The following MAPT variants were observed in gnomAD, a reference collection of about 807,000 sequenced individuals.
MAPT encodes microtubule associated protein tau.
Under a neutral mutation model 67.9 loss-of-function variants are expected in MAPT, and 34 were observed. The ratio of observed to expected loss-of-function variants is 0.50; its 90% CI spans 0.38 to 0.67. The LOEUF (loss-of-function observed/expected upper bound fraction) is 0.67, where lower values mean the gene tolerates loss of function less well. MAPT is among the 30% of genes least tolerant of loss of function. MAPT has a pLI of 0.00. For missense variants in MAPT, 881 were observed against 1,115.2 expected (o/e 0.79, Z 2.99); for synonymous variants, 456 against 464.5 (o/e 0.98, Z 0.23).
chr17:45,965,258 C>T (rs1318783145), intron 2 of MAPT, among the ~76,000 whole-genome samples: 2 of 151,936 alleles, frequency 1.3e-5, no homozygotes, highest in South Asian at 2.1e-4. Context: ...GGTGAAACCT[C>T]GTCTCTACTA....
chr17:45,895,869 G>A (rs1474128231), intron 1 of MAPT: 1 of 152,242 alleles, frequency 6.6e-6, no homozygotes, highest in Non-Finnish European at 1.5e-5. Flanking sequence ...GGCGGGGCCT[G>A]GCATTAAAGG....
At chr17:45,939,714 G>A (rs558494945) in intron 1 of MAPT, among the ~76,000 whole-genome samples, 6 of 152,274 alleles carry the variant, frequency 3.9e-5, no homozygotes, top group African/African-American at 1.4e-4. Context: ...ATAATCATGT[G>A]TGTGATGTGA....
chr17:45,996,387 C>T lies in MAPT; in HGVS notation c.1733-12C>T, dbSNP rs373115116. On this transcript the variant is annotated splice_polypyrimidine_tract_variant and intron_variant, in intron 8 of 12. Transcript: ENST00000262410. This position sits in a 1 kb window ranked among gnomAD's most constrained non-coding sequence, Gnocchi z 4.5. Reference sequence around the variant, plus strand: ...CTCGAGTCCTGGCTTCACTCCCTTCCTTCCTTCCCAGGTGAACCTCCAAAA... The same window carrying T: ...CTCGAGTCCTGGCTTCACTCCCTTCTTTCCTTCCCAGGTGAACCTCCAAAA... The T allele has an allele frequency of 4.2e-5, 68 of 1,610,516 alleles. 1 individual carries two copies. The East Asian group carries it at 6.0e-4, about 14-fold the overall frequency.
Position 45,983,755 on chromosome 17 carries a change from C to T in MAPT, c.1176C>T (p.His392=), listed in dbSNP as rs761461010. 4 of 1,614,152 alleles carry T rather than the reference C, an allele frequency of 2.5e-6. No individual in the cohort carries two copies. Among genetic ancestry groups the T allele is most frequent in the Non-Finnish European group, 3.4e-6 (4 of 1,180,018 alleles). The change falls in exon 5 of 13, where the codon CAC becomes CAT. Residue 392 remains histidine, a synonymous_variant. Transcript: ENST00000262410. ...CCAACGTGCAGAAGGAGCAGGCGCA[C>T]TCGGAGGAGCATTTGGGAAGGGCTG... ...ITPNVQKEQA[H]SEEHLGRAAF...
intron 2 of MAPT, among the ~76,000 whole-genome samples, chr17:45,964,360 C>T (rs373154911): frequency 9.1e-6 from 1 of 110,372 alleles, no homozygotes; most frequent in African/African-American, 3.5e-5. Context: ...CTCCCCCCTC[C>T]CCCCACCCCC....
At chr17:45,987,319 G>A (rs147160586) in intron 6 of MAPT, among the ~76,000 whole-genome samples, 77 of 152,318 alleles carry the variant, frequency 5.1e-4, no homozygotes, top group African/African-American at 1.8e-3. Context: ...ATGAAGTCAT[G>A]CTCCTAATTC....
At chr17:45,988,306 G>A (rs1421009705) in intron 6 of MAPT, among the ~76,000 whole-genome samples, 1 of 152,248 alleles carries the variant, frequency 6.6e-6, no homozygotes, top group African/African-American at 2.4e-5. Context: ...GTCTGGGACA[G>A]GACCCTTCTC....
intron 1 of MAPT, chr17:45,931,696 A>G (rs1288841256): frequency 1.3e-5 from 2 of 152,244 alleles, no homozygotes; most frequent in Non-Finnish European, 1.5e-5. Context: ...AAACTCAGCA[A>G]AATATATCAT....
In MAPT at chr17:46,024,120, C is replaced by T. The variant is rs200637464; in HGVS notation, c.2451C>T (p.Leu817=). The T allele has an allele frequency of 4.7e-5, 76 of 1,614,158 alleles. No homozygotes were observed. The highest frequency in any genetic ancestry group is 1.3e-4 in the Admixed American group (8 of 60,026). Residue 817 remains leucine (L), a synonymous_variant, in exon 13 of 13, where the codon CTC becomes CTT. Coordinates refer to ENST00000262410, the MANE Select transcript of MAPT (RefSeq NM_001377265.1). ...GSIDMVDSPQ[L]ATLADEVSAS... ...TCGACATGGTAGACTCGCCCCAGCT[C>T]GCCACGCTAGCTGACGAGGTGTCTG...
intron 11 of MAPT, among the ~76,000 whole-genome samples, chr17:46,015,670 A>C (rs1466261136): frequency 1.3e-5 from 2 of 152,142 alleles, no homozygotes; most frequent in Non-Finnish European, 2.9e-5. Flanking sequence ...AAACAAAAAC[A>C]AAAACAAAAA....
rs747742111 is a variant in MAPT, at chr17:46,010,259, C to T, written c.1999-51C>T. Reference sequence around the variant, plus strand: ...AAGTGGAGGCGTCCTTGCGAGCAAGCAGGCGGGTCCAGGGTGGCGTGTCAC... The same window carrying T: ...AAGTGGAGGCGTCCTTGCGAGCAAGTAGGCGGGTCCAGGGTGGCGTGTCAC... On this transcript the variant is annotated intron_variant, in intron 9 of 12. Coordinates refer to ENST00000262410, the MANE Select transcript of MAPT (RefSeq NM_001377265.1). This position sits in a 1 kb window ranked among gnomAD's most constrained non-coding sequence, Gnocchi z 4.7. 1 of 1,266,572 alleles carries T rather than the reference C, an allele frequency of 7.9e-7. No individual in the cohort carries two copies. Among genetic ancestry groups the T allele is most frequent in the African/African-American group, 1.5e-5 (1 of 67,636 alleles). 78.5% of individuals were successfully genotyped at this position (1,266,572 alleles called of 1,614,324 possible). A position where few individuals can be genotyped will look rare whatever the true frequency, so the allele number is the denominator to read the frequency against.
At position 45,951,798 on chromosome 17, in the gene MAPT, C is replaced by T. The variant is rs144912990; in HGVS notation, c.-17-10523C>T. Among the ~76,000 whole-genome samples the T allele has an allele frequency of 3.6e-3, 552 of 152,242 alleles. 8 individuals carry two copies. Among genetic ancestry groups the T allele is most frequent in the East Asian group, 0.029 (149 of 5,178 alleles). ...ATGTCCCATTTTAGTGTCCAGGTTTCACTCAACTTTAGTGCCTCCCCTAAA... is the reference window on the plus strand; with the variant it reads ...ATGTCCCATTTTAGTGTCCAGGTTTTACTCAACTTTAGTGCCTCCCCTAAA... On this transcript the variant is annotated intron_variant, in intron 1 of 12. Coordinates refer to ENST00000262410, the MANE Select transcript of MAPT (RefSeq NM_001377265.1).
chr17:45,941,681 T>TTCCCC (rs1568207436), intron 1 of MAPT, among the ~76,000 whole-genome samples: 3 of 42,102 alleles, frequency 7.1e-5, no homozygotes, highest in Admixed American at 6.3e-4. Flanking sequence ...CCCCCTTCCC[T>TTCCCC]CCTTCCTTCC....
In MAPT at chr17:45,921,242, G is replaced by A. The variant is rs181808467; in HGVS notation, c.-18+26556G>A. Among the ~76,000 whole-genome samples the A allele has an allele frequency of 1.1e-3, 162 of 152,272 alleles. 2 individuals carry two copies. The Middle Eastern group carries it at 0.014, about 13-fold the overall frequency. ...ATGAAAGCCTGGTGCAGGGCAGACC[G>A]TGGGAAGCTTTCATTTCCGGAATGG... On this transcript the variant is annotated intron_variant, in intron 1 of 12. Transcript: ENST00000262410.
intron 12 of MAPT, among the ~76,000 whole-genome samples, chr17:46,021,139 G>A (rs1449099856): frequency 1.3e-5 from 2 of 152,240 alleles, no homozygotes; most frequent in African/African-American, 4.8e-5. Flanking sequence ...ATACAGCCTT[G>A]CTGCAGATGC....
intron 1 of MAPT, among the ~76,000 whole-genome samples, chr17:45,961,584 G>A (rs533324782): frequency 1.3e-4 from 20 of 152,248 alleles, no homozygotes; most frequent in African/African-American, 3.1e-4. Flanking sequence ...TCACTTCTCC[G>A]TGCCTCACTT....
At chr17:45,920,502 G>T (rs1173531042) in intron 1 of MAPT, among the ~76,000 whole-genome samples, 1 of 152,110 alleles carries the variant, frequency 6.6e-6, no homozygotes, top group Non-Finnish European at 1.5e-5. Flanking sequence ...TGACCCTCCG[G>T]CCCCAGCATT....
intron 9 of MAPT, among the ~76,000 whole-genome samples, chr17:46,003,250 T>C (rs1200318839): frequency 6.6e-6 from 1 of 151,990 alleles, no homozygotes; most frequent in African/African-American, 2.4e-5. Flanking sequence ...CCACTGACCA[T>C]TATAGAGAAC....
At position 45,989,836 on chromosome 17, in the gene MAPT, GTGC is replaced by G. The variant is rs780767744; in HGVS notation, c.1408-39_1408-37del. On this transcript the variant is annotated intron_variant, in intron 6 of 12. Coordinates refer to ENST00000262410, the MANE Select transcript of MAPT (RefSeq NM_001377265.1). ...TTTTCAGTTTGTTTCCCTCCTCCAT[GTGC>G]TGACTTTTATTTTGATTTTATTTAT... is the stretch of plus-strand genomic sequence containing the variant. 2.5e-6 allele frequency: 4 copies of G among 1,569,688 alleles called. No individual in the cohort carries two copies. In the East Asian group the frequency reaches 9.0e-5, roughly 35 times the overall value.
Sources: gnomAD v4.1 joint callset for allele counts (sites outside exome capture counted in the v4.1 genomes callset) on GRCh38, gnomAD v4.1.1 for gene constraint, Gnocchi (gnomAD v3.1) non-coding constraint, MANE v1.5 for transcripts, NCBI Gene and HGNC (gene_info 2026-07-23, HGNC 2026-07-21) for gene names.